The following CACNG3 variants were observed in gnomAD, a reference collection of about 807,000 sequenced individuals.
CACNG3 encodes calcium voltage-gated channel auxiliary subunit gamma 3.
Under a neutral mutation model 28.5 loss-of-function variants are expected in CACNG3, and 3 were observed. That is an observed-to-expected ratio of 0.11 (90% CI 0.05 to 0.27). CACNG3 has a LOEUF of 0.27. CACNG3 is among the 10% of genes least tolerant of loss of function. The probability of loss-of-function intolerance (pLI) is 1.00; values close to 1 mark genes in which losing one functional copy is unlikely to be tolerated. For synonymous variants in CACNG3, 174 were observed against 162.2 expected, an observed-to-expected ratio of 1.07 and a Z score of -0.55; for missense variants, 236 against 414.4, an observed-to-expected ratio of 0.57 and a Z score of 3.74.
intron 1 of CACNG3, among the ~76,000 whole-genome samples, chr16:24,311,103 A>G (rs531464816): frequency 6.6e-6 from 1 of 152,362 alleles, no homozygotes; most frequent in South Asian, 2.1e-4. Flanking sequence ...CAAAAGCTCT[A>G]CAGATAGATC....
At chr16:24,260,265 T>C (rs1898520449) in intron 1 of CACNG3, among the ~76,000 whole-genome samples, 1 of 152,194 alleles carries the variant, frequency 6.6e-6, no homozygotes, top group African/African-American at 2.4e-5. Flanking sequence ...CCTGAATTAC[T>C]CTTTAATAGT....
chr16:24,259,919 A>G (rs1898516640), intron 1 of CACNG3, among the ~76,000 whole-genome samples: 1 of 152,236 alleles, frequency 6.6e-6, no homozygotes, highest in Non-Finnish European at 1.5e-5. Context: ...CTCCACAACT[A>G]GATTCCCTGC....
At chr16:24,277,408 G>T (rs565110491) in intron 1 of CACNG3, among the ~76,000 whole-genome samples, 1 of 152,126 alleles carries the variant, frequency 6.6e-6, no homozygotes, top group South Asian at 2.1e-4. Context: ...CTTGCAATGC[G>T]CAGGACAGCC....
At chr16:24,314,043 C>T (rs902779756) in intron 1 of CACNG3, among the ~76,000 whole-genome samples, 1 of 152,096 alleles carries the variant, frequency 6.6e-6, no homozygotes, top group African/African-American at 2.4e-5. Context: ...CACACCTGGC[C>T]TTATGTTTTT....
At chr16:24,306,209 C>A (rs1899183662) in intron 1 of CACNG3, among the ~76,000 whole-genome samples, 1 of 152,222 alleles carries the variant, frequency 6.6e-6, no homozygotes, top group Admixed American at 6.5e-5. Flanking sequence ...CGTGTGGTCA[C>A]TGCCTTTGGA....
chr16:24,357,806 G>A (rs1900053221), intron 3 of CACNG3, among the ~76,000 whole-genome samples: 1 of 152,242 alleles, frequency 6.6e-6, no homozygotes, highest in Non-Finnish European at 1.5e-5. Context: ...TCATGCTGAT[G>A]TGAGAGTTTC....
At chr16:24,360,571 C>A (rs1308697749) in intron 3 of CACNG3, among the ~76,000 whole-genome samples, 1 of 152,182 alleles carries the variant, frequency 6.6e-6, no homozygotes, top group East Asian at 1.9e-4. Flanking sequence ...TATTTATTGT[C>A]CCAAATTGTA....
At chr16:24,292,756 A>G (rs1218977946) in intron 1 of CACNG3, among the ~76,000 whole-genome samples, 2 of 152,266 alleles carry the variant, frequency 1.3e-5, no homozygotes, top group African/African-American at 4.8e-5. Flanking sequence ...TATTTTAACA[A>G]AATGCTTTTT....
intron 3 of CACNG3, among the ~76,000 whole-genome samples, chr16:24,360,732 T>A (rs1235760334): frequency 6.6e-6 from 1 of 152,196 alleles, no homozygotes; most frequent in Non-Finnish European, 1.5e-5. Flanking sequence ...TTCCCAAGCA[T>A]CCAAGTTAGA....
At chr16:24,348,071 A>C (rs1295802890) in intron 2 of CACNG3, among the ~76,000 whole-genome samples, 1 of 152,116 alleles carries the variant, frequency 6.6e-6, no homozygotes, top group African/African-American at 2.4e-5. Flanking sequence ...ATTTTAATGT[A>C]ATTTCTTCAG....
Position 24,256,404 on chromosome 16 carries a change from T to C in CACNG3, c.-351T>C. On this transcript the variant is annotated 5_prime_UTR_variant, in exon 1 of 4. Coordinates refer to ENST00000005284, the MANE Select transcript of CACNG3 (RefSeq NM_006539.4). This position sits in a 1 kb window ranked among gnomAD's most constrained non-coding sequence, Gnocchi z 4.6. The stretch of plus-strand genomic sequence containing the variant: ...CCGGGGCTGTGAGAAGCCAGGCGCA[T>C]CTCAAACCGAGCTGGCAGCTCCAGG... The C allele has an allele frequency of 1.0e-5, 3 of 285,954 alleles. No homozygotes were observed. Among genetic ancestry groups the C allele is most frequent in the South Asian group, 9.5e-5 (2 of 21,142 alleles). The allele number at this position is 285,954 out of a possible 1,614,324, so 17.7% of individuals were successfully genotyped here.
chr16:24,298,668 T>C (rs1557811), intron 1 of CACNG3, among the ~76,000 whole-genome samples: 16,904 of 152,204 alleles, frequency 0.11, 1,122 homozygotes, highest in South Asian at 0.3. Flanking sequence ...CATGTCATAG[T>C]CTATTCTGAT....
chr16:24,319,636 T>C (rs917555065), intron 1 of CACNG3, among the ~76,000 whole-genome samples: 1 of 152,126 alleles, frequency 6.6e-6, no homozygotes, highest in African/African-American at 2.4e-5. Context: ...TTTATTTTCA[T>C]AGAGATAGAG....
chr16:24,317,717 G>GAAAGA (rs1567217768), intron 1 of CACNG3, among the ~76,000 whole-genome samples: 2 of 140,944 alleles, frequency 1.4e-5, no homozygotes, highest in African/African-American at 5.5e-5. Flanking sequence ...AGAAAGAAAA[G>GAAAGA]AAAGAAAAGA....
At chr16:24,321,436 G>A (rs1470018666) in intron 1 of CACNG3, among the ~76,000 whole-genome samples, 1 of 151,988 alleles carries the variant, frequency 6.6e-6, no homozygotes, top group African/African-American at 2.4e-5. Context: ...GTGAGACTCT[G>A]GCTCAAAAAT....
intron 1 of CACNG3, among the ~76,000 whole-genome samples, chr16:24,306,693 G>A (rs1899189778): frequency 6.6e-6 from 1 of 152,078 alleles, no homozygotes; most frequent in African/African-American, 2.4e-5. Flanking sequence ...AGGATACTCT[G>A]CACTATCCCA....
chr16:24,317,717 G>A (rs535820736), intron 1 of CACNG3, among the ~76,000 whole-genome samples: 15 of 140,944 alleles, frequency 1.1e-4, no homozygotes, highest in African/African-American at 3.6e-4. Context: ...AGAAAGAAAA[G>A]AAAGAAAAGA....
At chr16:24,350,201 C>T (rs1368770813) in intron 2 of CACNG3, among the ~76,000 whole-genome samples, 2 of 152,206 alleles carry the variant, frequency 1.3e-5, no homozygotes, top group East Asian at 3.8e-4. Context: ...CTGCTTGTAT[C>T]TCATTTGAGG....
intron 1 of CACNG3, among the ~76,000 whole-genome samples, chr16:24,324,910 G>A (rs1318835092): frequency 3.3e-5 from 5 of 152,040 alleles, no homozygotes; most frequent in Non-Finnish European, 7.4e-5. Context: ...AGGCCACACA[G>A]CTCTCTCAAA....
Sources: gnomAD v4.1 joint callset for allele counts (sites outside exome capture counted in the v4.1 genomes callset) on GRCh38, gnomAD v4.1.1 for gene constraint, Gnocchi (gnomAD v3.1) non-coding constraint, MANE v1.5 for transcripts, NCBI Gene and HGNC (gene_info 2026-07-23, HGNC 2026-07-21) for gene names.